TIMM50: variants seen among roughly 807,000 people sequenced by gnomAD.
TIMM50 encodes the protein translocase of inner mitochondrial membrane 50.
In TIMM50, 34 loss-of-function variants were observed where a neutral mutation model predicts 49.6. The observed-to-expected ratio is 0.69, with a 90% CI of 0.52 to 0.91. The LOEUF (loss-of-function observed/expected upper bound fraction) is 0.91, where lower values mean the gene tolerates loss of function less well. Among genes scored for constraint, TIMM50 ranks in the 40% least tolerant of loss-of-function variants. The probability of loss-of-function intolerance (pLI) is 0.00; values close to 1 mark genes in which losing one functional copy is unlikely to be tolerated. For missense variants in TIMM50, 458 were observed against 477.8 expected (o/e 0.96, Z 0.39); for synonymous variants, 199 against 198.4 (o/e 1.00, Z -0.03).
At chr19:39,488,789 G>A (rs1458537227) in intron 10 of TIMM50, 144 bp downstream of exon 10, 10 of 653,614 alleles carry the variant, frequency 1.5e-5, no homozygotes, top group African/African-American at 9.0e-5. Context: ...GTAACCAGGG[G>A]GATATAACAC....
At position 39,481,866 on chromosome 19, in the gene TIMM50, C is replaced by G. The variant is rs1470677906; in HGVS notation, c.109-17C>G. ...CCTCTCTTCTCTCTTGGCTGACCTC[C>G]CCTTTCTCAACCGCAGGCCGCAGAG... is the stretch of plus-strand genomic sequence containing the variant. On this transcript the variant is annotated splice_polypyrimidine_tract_variant and intron_variant, in intron 1 of 10. Coordinates refer to ENST00000607714, the MANE Select transcript of TIMM50 (RefSeq NM_001001563.5). 6.2e-7 allele frequency: 1 copy of G among 1,608,674 alleles called. No individual in the cohort carries two copies. The highest frequency in any genetic ancestry group is 8.5e-7 in the Non-Finnish European group (1 of 1,178,210).
intron 1 of TIMM50, 149 bp from the exon 2 acceptor site, chr19:39,481,734 A>G (rs969150754): frequency 9.6e-7 from 1 of 1,042,392 alleles, no homozygotes; most frequent in Non-Finnish European, 1.4e-6. Context: ...GCAGCCCCAC[A>G]TCCTGACTGC....
At chr19:39,484,893 C>G (rs1359622861) in intron 4 of TIMM50, 2 of 152,468 alleles carry the variant, frequency 1.3e-5, no homozygotes, top group African/African-American at 4.8e-5. Flanking sequence ...AAGACCCTGT[C>G]TCTATTAAAA....
chr19:39,486,598 C>T, intron 8 of TIMM50, 103 bp downstream of exon 8: 1 of 1,080,758 alleles, frequency 9.3e-7, no homozygotes, highest in Non-Finnish European at 1.4e-6. Flanking sequence ...GCTTATGGTT[C>T]TGCCCAGATT....
In TIMM50 at chr19:39,488,224, CTGACCCCTGATCCCT is replaced by C. The variant is rs2079520637; in HGVS notation, c.853+10_853+24del. 5 of 1,608,542 alleles carry C rather than the reference CTGACCCCTGATCCCT, an allele frequency of 3.1e-6. No homozygotes were observed. The East Asian group carries it at 1.1e-4, about 36-fold the overall frequency. On this transcript the variant is annotated splice_region_variant and intron_variant, in intron 9 of 10. Transcript: ENST00000607714. ...CTGTCTGCCTTCCTCAAGAGTAAGG[CTGACCCCTGATCCCT>C]TGGCCTCTGACCCCAGAGCCCCTGA...
intron 9 of TIMM50, 68 bp from the exon 10 acceptor site, chr19:39,488,471 C>T (rs2079522560): frequency 6.9e-7 from 1 of 1,457,852 alleles, no homozygotes; most frequent in Non-Finnish European, 9.6e-7. Flanking sequence ...GCGGGACGTT[C>T]CCCTCATGGG....
rs1189780843 is a variant in TIMM50, at chr19:39,493,324, A to C, written c.*3504A>C. 1 of 151,588 alleles carries C rather than the reference A, an allele frequency of 6.6e-6. No homozygotes were observed. Among genetic ancestry groups the C allele is most frequent in the East Asian group, 1.9e-4 (1 of 5,170 alleles). The allele number at this position is 151,588 out of a possible 1,614,324, so 9.4% of individuals were successfully genotyped here. A position where few individuals can be genotyped will look rare whatever the true frequency, so the allele number is the denominator to read the frequency against. ...GAGTGCAGTGGGGCGATCTCGGCTC[A>C]CTGCACCCTGCACCTCCTGGGTTCA... is the stretch of plus-strand genomic sequence containing the variant. On this transcript the variant is annotated 3_prime_UTR_variant, in exon 11 of 11. Coordinates refer to ENST00000607714, the MANE Select transcript of TIMM50 (RefSeq NM_001001563.5).
chr19:39,488,053 A>G lies in TIMM50; in HGVS notation c.697-8A>G, dbSNP rs1343188651. The G allele has an allele frequency of 6.2e-7, 1 of 1,603,296 alleles. No individual in the cohort carries two copies. The highest frequency in any genetic ancestry group is 1.7e-5 in the Admixed American group (1 of 59,468). On this transcript the variant is annotated splice_region_variant and splice_polypyrimidine_tract_variant and intron_variant, in intron 8 of 10. Transcript: ENST00000607714. ...CAGATGTTGACCTGATCTGTCACTC[A>G]CTTCCAGGATATTTCATGTCTGAAT... is the stretch of plus-strand genomic sequence containing the variant.
In TIMM50 at chr19:39,488,122, C is replaced by G. The variant is rs1477945064; in HGVS notation, c.758C>G (p.Ala253Gly). ...RVVVVDCKKE[A>G]FRLQPYNGVA... ...GTAGTTGTGGACTGCAAGAAGGAAG[C>G]CTTCCGCCTGCAGCCCTATAACGGC... is the stretch of plus-strand genomic sequence containing the variant. The change falls in exon 9 of 11, where the codon GCC (alanine) becomes GGC (glycine). Residue 253 changes from alanine (A) to glycine (G), a missense_variant. Transcript: ENST00000607714. 3.1e-6 allele frequency: 5 copies of G among 1,613,980 alleles called. No homozygotes were observed. The highest frequency in any genetic ancestry group is 1.3e-5 in the African/African-American group (1 of 75,060).
At chr19:39,489,530 G>A (rs565273695) in intron 10 of TIMM50, among the ~76,000 whole-genome samples, 189 bp from the exon 11 acceptor site, 4 of 152,026 alleles carry the variant, frequency 2.6e-5, no homozygotes, top group Admixed American at 6.6e-5. Context: ...TGTCTGGGGT[G>A]GGGGGACTGG....
rs1297728567 is a variant in TIMM50 at position 39,489,845 on chromosome 19, G to A, written c.*25G>A. ...AACTCTGGGCCTCCTCAAACTCAGTGCCTGGGTCCAGGGCCCCAGTGCTTC... is the reference window on the plus strand; with the variant it reads ...AACTCTGGGCCTCCTCAAACTCAGTACCTGGGTCCAGGGCCCCAGTGCTTC... On this transcript the variant is annotated 3_prime_UTR_variant, in exon 11 of 11. Coordinates refer to ENST00000607714, the MANE Select transcript of TIMM50 (RefSeq NM_001001563.5). 6.3e-7 allele frequency: 1 copy of A among 1,585,232 alleles called. No homozygotes were observed. The highest frequency in any genetic ancestry group is 2.3e-5 in the East Asian group (1 of 44,092).
chr19:39,489,750 A>C lies in TIMM50; in HGVS notation c.992A>C (p.Lys331Thr), dbSNP rs1172590257. 21 of 1,611,946 alleles carry C rather than the reference A, an allele frequency of 1.3e-5. No individual in the cohort carries two copies. The highest frequency in any genetic ancestry group is 1.7e-5 in the Non-Finnish European group (20 of 1,179,276). Reference sequence around the variant, plus strand: ...CAGCAGCGCCTGGCCGAGCTCTCCAAGTCCAACAAGCAGAACCTCTTCCTT... The same window carrying C: ...CAGCAGCGCCTGGCCGAGCTCTCCACGTCCAACAAGCAGAACCTCTTCCTT... The part of the protein sequence containing the change: ...EEQQRLAELS[K>T]SNKQNLFLGS... The change falls in exon 11 of 11, where the codon AAG (lysine) becomes ACG (threonine). Residue 331 changes from lysine to threonine, a missense_variant. By Grantham distance (78) the Lys-to-Thr change is moderately conservative. Coordinates refer to ENST00000607714, the MANE Select transcript of TIMM50 (RefSeq NM_001001563.5).
Position 39,489,889 on chromosome 19 carries a change from A to G in TIMM50, c.*69A>G. Reference sequence around the variant, plus strand: ...GTGCTTCCAGACCAAGACTTGGGCCACCACTTGTCCAATAAAGTACATCCC... The same window carrying G: ...GTGCTTCCAGACCAAGACTTGGGCCGCCACTTGTCCAATAAAGTACATCCC... On this transcript the variant is annotated 3_prime_UTR_variant, in exon 11 of 11. Transcript: ENST00000607714. The G allele has an allele frequency of 7.0e-7, 1 of 1,427,666 alleles. No homozygotes were observed. Among genetic ancestry groups the G allele is most frequent in the Non-Finnish European group, 9.7e-7 (1 of 1,032,242 alleles). The allele number at this position is 1,427,666 out of a possible 1,614,324, so 88.4% of individuals were successfully genotyped here. A position where few individuals can be genotyped will look rare whatever the true frequency, so the allele number is the denominator to read the frequency against.
At position 39,483,140 on chromosome 19, in the gene TIMM50, T is replaced by C; in HGVS notation, c.297T>C (p.Pro99=). Residue 99 remains proline (P), a synonymous_variant, in exon 4 of 11, where the codon CCT becomes CCC. Transcript: ENST00000607714. ...NPVDENGAKI[P]DEFDNDPILV... is the part of the protein sequence containing the mutation. The stretch of plus-strand genomic sequence containing the variant: ...TTTTTCTCTCTACCTCCCAGATTCC[T>C]GATGAGTTCGACAATGGTGAGTAAA... The C allele has an allele frequency of 6.2e-7, 1 of 1,614,174 alleles. No homozygotes were observed. The highest frequency in any genetic ancestry group is 8.5e-7 in the Non-Finnish European group (1 of 1,180,034).
rs2144746356 is a variant in TIMM50 at position 39,492,622 on chromosome 19, T to G, written c.*2802T>G. On this transcript the variant is annotated 3_prime_UTR_variant, in exon 11 of 11. Coordinates refer to ENST00000607714, the MANE Select transcript of TIMM50 (RefSeq NM_001001563.5). ...TGGCTCACCCCTATAATCCCAGCACTTTGGGAGACCGAGGCGGGTGGATCA... is the reference window on the plus strand; with the variant it reads ...TGGCTCACCCCTATAATCCCAGCACGTTGGGAGACCGAGGCGGGTGGATCA... 6.6e-6 allele frequency: 1 copy of G among 151,934 alleles called. No homozygotes were observed. Among genetic ancestry groups the G allele is most frequent in the African/African-American group, 2.4e-5 (1 of 41,396 alleles). The allele number at this position is 151,934 out of a possible 1,614,324, so 9.4% of individuals were successfully genotyped here. A position where few individuals can be genotyped will look rare whatever the true frequency, so the allele number is the denominator to read the frequency against.
chr19:39,485,912 T>C (rs2079502529), intron 6 of TIMM50, 105 bp downstream of exon 6: 1 of 1,489,138 alleles, frequency 6.7e-7, no homozygotes, highest in Non-Finnish European at 9.2e-7. Context: ...GGGGAGGAGA[T>C]GTCACCTGTC....
chr19:39,487,357 C>T (rs1041077415), intron 8 of TIMM50, among the ~76,000 whole-genome samples: 58 of 152,194 alleles, frequency 3.8e-4, no homozygotes, highest in African/African-American at 1.4e-3. Context: ...ACTGCAGTCT[C>T]AACCTTCTGG....
chr19:39,486,615 C>A, intron 8 of TIMM50, 120 bp downstream of exon 8: 1 of 902,304 alleles, frequency 1.1e-6, no homozygotes, highest in Admixed American at 2.1e-5. Flanking sequence ...GATTCGATTC[C>A]TGCTGGCAGG....
At position 39,490,127 on chromosome 19, in the gene TIMM50, C is replaced by G; in HGVS notation, c.*307C>G. 1 of 373,558 alleles carries G rather than the reference C, an allele frequency of 2.7e-6. No homozygotes were observed. The highest frequency in any genetic ancestry group is 5.0e-6 in the Non-Finnish European group (1 of 200,292). The allele number at this position is 373,558 out of a possible 1,614,324, so 23.1% of individuals were successfully genotyped here. A position where few individuals can be genotyped will look rare whatever the true frequency, so the allele number is the denominator to read the frequency against. On this transcript the variant is annotated 3_prime_UTR_variant, in exon 11 of 11. Coordinates refer to ENST00000607714, the MANE Select transcript of TIMM50 (RefSeq NM_001001563.5). ...GTTGCGTGATCTGTGAAAAATACAT[C>G]TCCCTCTGACCACAGACTCCTCATC... is the stretch of plus-strand genomic sequence containing the variant.
Sources: allele counts gnomAD v4.1 joint callset (sites outside exome capture counted in the v4.1 genomes callset), GRCh38; gene constraint gnomAD v4.1.1; transcripts MANE v1.5; gene names NCBI Gene and HGNC (gene_info 2026-07-23, HGNC 2026-07-21).